The following CEP85L variants were observed in gnomAD, a reference collection of about 807,000 sequenced individuals.
CEP85L encodes the protein centrosomal protein of 85 kDa-like.
A neutral mutation model predicts 100.3 loss-of-function variants in CEP85L; 60 were observed. That is an observed-to-expected ratio of 0.60 (90% CI 0.49 to 0.74). The LOEUF (loss-of-function observed/expected upper bound fraction) is 0.74. Ranked by LOEUF, CEP85L falls within the 30% of genes least tolerant of loss-of-function variation. The pLI is 0.00. For synonymous variants in CEP85L, 319 were observed against 322.7 expected, an observed-to-expected ratio of 0.99 and a Z score of 0.12; for missense variants, 973 against 936.2, an observed-to-expected ratio of 1.04 and a Z score of -0.51.
chr6:118,600,506 G>C (rs924505543), intron 2 of CEP85L, among the ~76,000 whole-genome samples: 1 of 151,768 alleles, frequency 6.6e-6, no homozygotes, highest in Non-Finnish European at 1.5e-5. Context: ...ATTTTCAGTA[G>C]AGACGGGGTT....
chr6:118,646,347 G>A (rs1583219087), intron 1 of CEP85L, among the ~76,000 whole-genome samples: 1 of 82,860 alleles, frequency 1.2e-5, no homozygotes, highest in South Asian at 6.4e-4. Context: ...AATCCTGATA[G>A]TAATAATAAT....
intron 2 of CEP85L, among the ~76,000 whole-genome samples, chr6:118,586,918 T>C (rs754874268): frequency 1.3e-5 from 2 of 152,234 alleles, no homozygotes; most frequent in Non-Finnish European, 2.9e-5. Context: ...TCTCAATTAC[T>C]ACTGCATTTT....
intron 3 of CEP85L, among the ~76,000 whole-genome samples, chr6:118,541,215 G>A (rs1288904555): frequency 6.6e-6 from 1 of 152,170 alleles, no homozygotes; most frequent in Non-Finnish European, 1.5e-5. Flanking sequence ...TGTTGGTCCT[G>A]GAGCCCACTC....
intron 2 of CEP85L, among the ~76,000 whole-genome samples, chr6:118,616,334 T>C (rs1223524329): frequency 4.0e-5 from 6 of 151,736 alleles, no homozygotes; most frequent in African/African-American, 1.5e-4. Context: ...AAGACCAACC[T>C]GGACAACATA....
rs1773679823 is a variant in CEP85L at position 118,624,845 on chromosome 6, C to G, written c.232+7608G>C. 2.6e-5 allele frequency among the ~76,000 whole-genome samples: 4 copies of G among 152,204 alleles called. No homozygotes were observed. In the South Asian group the frequency reaches 8.3e-4, roughly 32 times the overall value. The stretch of plus-strand genomic sequence containing the variant: ...ACAAGTAATTAAAAACTTGATCCAA[C>G]CATCTAACACTCCAAGTCCATATAA... On this transcript the variant is annotated intron_variant, in intron 2 of 12. Transcript: ENST00000368491.
At chr6:118,615,587 T>A (rs1772980956) in intron 2 of CEP85L, among the ~76,000 whole-genome samples, 2 of 152,346 alleles carry the variant, frequency 1.3e-5, no homozygotes, top group South Asian at 4.1e-4. Flanking sequence ...CCTTGGAATG[T>A]CCAGCCTAGT....
In CEP85L at chr6:118,465,212, A is replaced by ATTT; in HGVS notation, c.*190_*192dup. The ATTT allele has an allele frequency of 2.1e-6, 1 of 481,250 alleles. No individual in the cohort carries two copies. Among genetic ancestry groups the ATTT allele is most frequent in the Non-Finnish European group, 3.6e-6 (1 of 275,884 alleles). 29.8% of individuals were successfully genotyped at this position (481,250 alleles called of 1,614,324 possible). On this transcript the variant is annotated 3_prime_UTR_variant, in exon 13 of 13. Coordinates refer to ENST00000368491, the MANE Select transcript of CEP85L (RefSeq NM_001042475.3). ...TATCATATTTTCCAAAGGTAATTTG[A>ATTT]TTTTTTTTCTTTTTGCCTGATTAGA...
Position 118,566,150 on chromosome 6 carries a change from C to T in CEP85L, c.399G>A (p.Leu133=). The T allele has an allele frequency of 6.2e-7, 1 of 1,614,100 alleles. No individual in the cohort carries two copies. The highest frequency in any genetic ancestry group is 8.5e-7 in the Non-Finnish European group (1 of 1,180,016). Residue 133 remains leucine, a synonymous_variant, in exon 3 of 13, where the codon TTG becomes TTA. Coordinates refer to ENST00000368491, the MANE Select transcript of CEP85L (RefSeq NM_001042475.3). ...SKWSTSLMQT[L]GNHSRGEQDS... ...CCTGCTCCCCCCTACTGTGGTTTCC[C>T]AATGTTTGCATGAGGCTTGTACTCC...
chr6:118,552,648 A>T (rs2114936091), intron 3 of CEP85L, among the ~76,000 whole-genome samples: 1 of 151,598 alleles, frequency 6.6e-6, no homozygotes, highest in Non-Finnish European at 1.5e-5. Flanking sequence ...CCAGAATACC[A>T]TCTTGAACTT....
At chr6:118,482,048 A>G in intron 7 of CEP85L, 115 bp from the exon 8 acceptor site, 1 of 557,880 alleles carries the variant, frequency 1.8e-6, no homozygotes, top group Non-Finnish European at 2.8e-6. Context: ...AAAAAAAAAA[A>G]AAGAATCACA....
rs1583212959 is a variant in CEP85L, at chr6:118,641,827, A to AG, written c.74-9217dup. Among the ~76,000 whole-genome samples the AG allele has an allele frequency of 3.8e-5, 3 of 78,390 alleles. No homozygotes were observed. In the East Asian group the frequency reaches 6.8e-4, roughly 18 times the overall value. 51.4% of individuals were successfully genotyped at this position (78,390 alleles called of 152,430 possible). ...CACACTTCAACATTCCTTTTGCAAG[A>AG]GAAAAAAAAAAAATTACAAAATTAG... On this transcript the variant is annotated intron_variant, in intron 1 of 12. Coordinates refer to ENST00000368491, the MANE Select transcript of CEP85L (RefSeq NM_001042475.3).
chr6:118,656,411 T>C (rs577014088), upstream of CEP85L, among the ~76,000 whole-genome samples: 12 of 152,134 alleles, frequency 7.9e-5, no homozygotes, highest in Non-Finnish European at 1.5e-4. Flanking sequence ...GGAGTAAAAG[T>C]TGGAAAGATA....
intron 2 of CEP85L, among the ~76,000 whole-genome samples, chr6:118,572,272 T>TA (rs572307069): frequency 0.015 from 1,571 of 107,600 alleles, 19 homozygotes; most frequent in Admixed American, 0.021. Flanking sequence ...ACCCATTCTT[T>TA]AAAAAAAAAA....
At chr6:118,546,794 G>A (rs959002873) in intron 3 of CEP85L, among the ~76,000 whole-genome samples, 1 of 151,958 alleles carries the variant, frequency 6.6e-6, no homozygotes, top group African/African-American at 2.4e-5. Context: ...CATTATGTAA[G>A]GATTGAAAGA....
chr6:118,600,364 T>A (rs1056500720), intron 2 of CEP85L, among the ~76,000 whole-genome samples: 8 of 131,314 alleles, frequency 6.1e-5, no homozygotes, highest in Admixed American at 3.1e-4. Flanking sequence ...TGTGTGTGTG[T>A]GTGTGTAACG....
intron 3 of CEP85L, among the ~76,000 whole-genome samples, chr6:118,543,644 A>G (rs1322505038): frequency 2.7e-5 from 4 of 150,788 alleles, no homozygotes; most frequent in East Asian, 1.9e-4. Context: ...AAGGAGTTCT[A>G]TAAGAACAAG....
At chr6:118,555,425 C>CAA (rs200889385) in intron 3 of CEP85L, among the ~76,000 whole-genome samples, 5,973 of 116,234 alleles carry the variant, frequency 0.051, 501 homozygotes, top group African/African-American at 0.17. Flanking sequence ...AAGACTGTCT[C>CAA]AAAAAAAAAA....
At chr6:118,558,648 CACACACACACACAGAG>C (rs1177749716) in intron 3 of CEP85L, among the ~76,000 whole-genome samples, 16 of 137,158 alleles carry the variant, frequency 1.2e-4, no homozygotes, top group Admixed American at 4.9e-4. Context: ...CACACACACA[CACACACACACACAGAG>C]AGAGAGAGAG....
chr6:118,684,309 G>A (rs984605680), intron 1 of CEP85L, among the ~76,000 whole-genome samples: 3 of 151,558 alleles, frequency 2.0e-5, no homozygotes, highest in South Asian at 2.1e-4. Context: ...AAGACCAGCT[G>A]GAGCAACATA....
Sources: allele counts gnomAD v4.1 joint callset (sites outside exome capture counted in the v4.1 genomes callset), GRCh38; gene constraint gnomAD v4.1.1; transcripts MANE v1.5; gene names NCBI Gene and HGNC (gene_info 2026-07-23, HGNC 2026-07-21).